INVS: variants seen among roughly 807,000 people sequenced by gnomAD.
The protein encoded by INVS is inversin.
Under a neutral mutation model 108.8 loss-of-function variants are expected in INVS, and 86 were observed. The observed-to-expected ratio is 0.79, with a 90% CI of 0.66 to 0.95. The LOEUF (loss-of-function observed/expected upper bound fraction) is 0.95, where lower values mean the gene tolerates loss of function less well. INVS is among the 40% of genes least tolerant of loss of function. The pLI, the probability that INVS is intolerant of heterozygous loss-of-function variation, is 0.00. For missense variants in INVS, 1,169 were observed against 1,297.4 expected (o/e 0.90, Z 1.52); for synonymous variants, 455 against 473.5 (o/e 0.96, Z 0.51).
intron 12 of INVS, among the ~76,000 whole-genome samples, chr9:100,280,080 A>G (rs1833230177): frequency 6.6e-6 from 1 of 152,060 alleles, no homozygotes; most frequent in Non-Finnish European, 1.5e-5. Flanking sequence ...ATTTCTGATC[A>G]CTCACCTTCT....
At chr9:100,122,053 C>G (rs1329990381) in intron 2 of INVS, among the ~76,000 whole-genome samples, 1 of 152,142 alleles carries the variant, frequency 6.6e-6, no homozygotes, top group Non-Finnish European at 1.5e-5. Flanking sequence ...TATGACTTCA[C>G]TTCTTTAAAT....
chr9:100,106,730 G>A (rs897266255), intron 2 of INVS, among the ~76,000 whole-genome samples: 1 of 152,104 alleles, frequency 6.6e-6, no homozygotes, highest in Non-Finnish European at 1.5e-5. Flanking sequence ...TTCTCAACAT[G>A]ATGCTTCTAT....
intron 10 of INVS, among the ~76,000 whole-genome samples, chr9:100,262,930 G>C (rs576860930): frequency 6.6e-6 from 1 of 151,942 alleles, no homozygotes; most frequent in Non-Finnish European, 1.5e-5. Context: ...TGTATTTTTA[G>C]TAGAGAAGGG....
intron 12 of INVS, among the ~76,000 whole-genome samples, chr9:100,281,709 G>A (rs910498954): frequency 3.3e-5 from 5 of 152,056 alleles, no homozygotes; most frequent in African/African-American, 4.8e-5. Context: ...TTCTGCTTAC[G>A]TAGTTCTACC....
chr9:100,242,591 T>A lies in INVS; in HGVS notation c.818T>A (p.Leu273His). ...TCAGGCCATGCACAGATTGTCCATC[T>A]CCTTTTAGAAAGAAATAAGTCTGGA... ...ALLGHAQIVH[L>H]LLERNKSGTI... Residue 273 changes from leucine (L) to histidine (H), a missense_variant, in exon 7 of 17, where the codon CTC becomes CAC. Physicochemically the swap from Leu to His is moderately conservative, Grantham distance 99 (BLOSUM62 -3). Transcript: ENST00000262457. 2.5e-6 allele frequency: 4 copies of A among 1,605,622 alleles called. No individual in the cohort carries two copies. Among genetic ancestry groups the A allele is most frequent in the Non-Finnish European group, 3.4e-6 (4 of 1,172,344 alleles).
intron 3 of INVS, among the ~76,000 whole-genome samples, chr9:100,184,814 G>A (rs1279508206): frequency 6.6e-6 from 1 of 152,148 alleles, no homozygotes; most frequent in Non-Finnish European, 1.5e-5. Flanking sequence ...CATTGGAAGG[G>A]AGATGCCATA....
chr9:100,292,834 T>C lies in INVS; in HGVS notation c.2577T>C (p.Ala859=). The C allele has an allele frequency of 1.2e-6, 2 of 1,614,050 alleles. No individual in the cohort carries two copies. Among genetic ancestry groups the C allele is most frequent in the Non-Finnish European group, 1.7e-6 (2 of 1,179,994 alleles). ...PQSTEELRSG[A]RRLETSTLSE... is the part of the protein sequence containing the mutation. ...GCACAGAGGAGTTGAGGTCAGGAGC[T>C]AGGAGGCTGGAGACATCTACCCTGT... The change falls in exon 14 of 17, where the codon GCT becomes GCC. Residue 859 remains alanine, a synonymous_variant. Transcript: ENST00000262457.
chr9:100,297,291 TCAAAACTGCAATTAATTTTG>T, intron 15 of INVS, 145 bp downstream of exon 15: 1 of 745,444 alleles, frequency 1.3e-6, no homozygotes, highest in Non-Finnish European at 2.3e-6. Flanking sequence ...TTAAAAATGG[TCAAAACTGCAATTAATTTTG>T]CACCAACCTA....
intron 13 of INVS, among the ~76,000 whole-genome samples, chr9:100,289,929 A>G (rs1325656820): frequency 1.3e-5 from 2 of 152,224 alleles, no homozygotes; most frequent in Non-Finnish European, 2.9e-5. Context: ...TAGTTTTGTA[A>G]GAAACTGCCA....
intron 3 of INVS, among the ~76,000 whole-genome samples, chr9:100,134,707 A>G (rs1281036368): frequency 6.6e-6 from 1 of 152,112 alleles, no homozygotes; most frequent in Non-Finnish European, 1.5e-5. Flanking sequence ...GATGTTGAGC[A>G]TTTTTTCATG....
At position 100,242,655 on chromosome 9, in the gene INVS, C is replaced by T; in HGVS notation, c.882C>T (p.His294=). The change falls in exon 7 of 17, where the codon CAC becomes CAT. Residue 294 remains histidine, a synonymous_variant. Coordinates refer to ENST00000262457, the MANE Select transcript of INVS (RefSeq NM_014425.5). The part of the protein sequence containing the change: ...PSDSQGATPL[H]YAAQSNFAET... ...ACAGCCAAGGAGCCACACCTTTGCA[C>T]TATGCTGCTCAGAGTAACTTTGCTG... is the stretch of plus-strand genomic sequence containing the variant. The T allele has an allele frequency of 1.2e-6, 2 of 1,604,746 alleles. No homozygotes were observed. Among genetic ancestry groups the T allele is most frequent in the Non-Finnish European group, 8.5e-7 (1 of 1,171,552 alleles).
chr9:100,164,476 A>G (rs1829295849), intron 3 of INVS, among the ~76,000 whole-genome samples: 1 of 152,162 alleles, frequency 6.6e-6, no homozygotes, highest in African/African-American at 2.4e-5. Flanking sequence ...CAAAAATAGA[A>G]TAGTAAAATG....
At chr9:100,269,441 T>A (rs1832885346) in intron 11 of INVS, among the ~76,000 whole-genome samples, 1 of 152,202 alleles carries the variant, frequency 6.6e-6, no homozygotes, top group Non-Finnish European at 1.5e-5. Context: ...TTTATGTAGA[T>A]GCCTCTCAGA....
chr9:100,212,661 G>T (rs563461236), intron 3 of INVS, among the ~76,000 whole-genome samples: 1 of 151,882 alleles, frequency 6.6e-6, no homozygotes, highest in African/African-American at 2.4e-5. Flanking sequence ...AGCCATTCAG[G>T]AATCTTCTTA....
chr9:100,102,476 G>A (rs1234624091), intron 1 of INVS: 2 of 152,148 alleles, frequency 1.3e-5, no homozygotes, highest in Non-Finnish European at 2.9e-5. Flanking sequence ...TATTTTCCTG[G>A]TGGACCAAGG....
chr9:100,231,648 C>T (rs916346409), intron 5 of INVS, among the ~76,000 whole-genome samples: 1 of 151,822 alleles, frequency 6.6e-6, no homozygotes, highest in Admixed American at 6.6e-5. Context: ...ATGATGGTTT[C>T]CAGCTTCAAC....
At position 100,300,808 on chromosome 9, in the gene INVS, G is replaced by A; in HGVS notation, c.*134G>A. 2.9e-6 allele frequency: 2 copies of A among 693,024 alleles called. No homozygotes were observed. The highest frequency in any genetic ancestry group is 5.4e-5 in the East Asian group (2 of 37,076). 42.9% of individuals were successfully genotyped at this position (693,024 alleles called of 1,614,324 possible). ...TGAAGGCTGATTCACCTAAAAATGT[G>A]TTAACTGAAAGAAAATGTCAGAATG... On this transcript the variant is annotated 3_prime_UTR_variant, in exon 17 of 17. Transcript: ENST00000262457.
chr9:100,204,869 A>G (rs780965062), intron 3 of INVS, among the ~76,000 whole-genome samples: 1 of 152,124 alleles, frequency 6.6e-6, no homozygotes, highest in Non-Finnish European at 1.5e-5. Context: ...CTACTTAGCT[A>G]TGTCATATTT....
At chr9:100,172,809 G>C (rs1829583396) in intron 3 of INVS, among the ~76,000 whole-genome samples, 1 of 152,236 alleles carries the variant, frequency 6.6e-6, no homozygotes, top group African/African-American at 2.4e-5. Flanking sequence ...TCACCAGCAA[G>C]AATAGAGCTT....
Sources: gnomAD v4.1 joint callset for allele counts (sites outside exome capture counted in the v4.1 genomes callset) on GRCh38, gnomAD v4.1.1 for gene constraint, MANE v1.5 for transcripts, NCBI Gene and HGNC (gene_info 2026-07-23, HGNC 2026-07-21) for gene names.